Variants in IGF2BP3 observed in about 807,000 individuals in gnomAD.
The protein encoded by IGF2BP3 is insulin-like growth factor 2 mRNA-binding protein 3.
IGF2BP3 carries 9 observed loss-of-function variants against 73.8 expected under a neutral mutation model. That is an observed-to-expected ratio of 0.12 (90% confidence interval 0.07 to 0.21). The LOEUF (loss-of-function observed/expected upper bound fraction) is 0.21. IGF2BP3 is among the 10% of genes least tolerant of loss of function. The pLI is 1.00. For missense variants in IGF2BP3, 542 were observed against 714.0 expected, an observed-to-expected ratio of 0.76 and a Z score of 2.75; for synonymous variants, 258 against 256.7, an observed-to-expected ratio of 1.01 and a Z score of -0.05.
At chr7:23,388,396 A>G (rs1786156862) in intron 3 of IGF2BP3, among the ~76,000 whole-genome samples, 2 of 152,224 alleles carry the variant, frequency 1.3e-5, no homozygotes, top group Admixed American at 6.5e-5. Flanking sequence ...ACAGATGAAC[A>G]GGAGGAAAAA....
chr7:23,351,137 T>C (rs1481249779), intron 6 of IGF2BP3, among the ~76,000 whole-genome samples, 168 bp downstream of exon 6: 1 of 152,182 alleles, frequency 6.6e-6, no homozygotes, highest in African/African-American at 2.4e-5. Flanking sequence ...TCCAGATTTA[T>C]ATGAAATGAA....
chr7:23,351,238 G>A (rs530096352), intron 6 of IGF2BP3, 67 bp downstream of exon 6: 122 of 1,567,588 alleles, frequency 7.8e-5, no homozygotes, highest in African/African-American at 9.4e-5. Flanking sequence ...GTACCAGAAC[G>A]ACACACTGTT....
intron 3 of IGF2BP3, among the ~76,000 whole-genome samples, chr7:23,392,698 C>T (rs527897105): frequency 2.0e-5 from 3 of 152,188 alleles, no homozygotes; most frequent in South Asian, 4.1e-4. Context: ...TGCATGATCA[C>T]GGCTCACTGC....
At chr7:23,401,690 A>G (rs1212635316) in intron 3 of IGF2BP3, among the ~76,000 whole-genome samples, 4 of 152,004 alleles carry the variant, frequency 2.6e-5, no homozygotes, top group Non-Finnish European at 4.4e-5. Flanking sequence ...GCTTGAACCC[A>G]GGAGGTAAAG....
chr7:23,387,791 T>A (rs940069885), intron 3 of IGF2BP3, among the ~76,000 whole-genome samples: 1 of 152,098 alleles, frequency 6.6e-6, no homozygotes, highest in African/African-American at 2.4e-5. Flanking sequence ...CACACACACA[T>A]ACTCACACAA....
intron 2 of IGF2BP3, among the ~76,000 whole-genome samples, chr7:23,437,098 G>A (rs561325230): frequency 1.1e-3 from 168 of 152,100 alleles, no homozygotes; most frequent in African/African-American, 4.0e-3. Flanking sequence ...CAGCCTGGGC[G>A]ATAGAGTCAG....
At chr7:23,465,840 ATCAG>A (rs1788554564) in intron 2 of IGF2BP3, among the ~76,000 whole-genome samples, 1 of 152,046 alleles carries the variant, frequency 6.6e-6, no homozygotes, top group Admixed American at 6.6e-5. Flanking sequence ...AGCAACCCCC[ATCAG>A]TCAGTACAAC....
chr7:23,445,637 T>C (rs910091164), intron 2 of IGF2BP3, among the ~76,000 whole-genome samples: 1 of 152,182 alleles, frequency 6.6e-6, no homozygotes, highest in Non-Finnish European at 1.5e-5. Flanking sequence ...ATAGGAACAC[T>C]GAAGAAGCGT....
intron 3 of IGF2BP3, among the ~76,000 whole-genome samples, chr7:23,417,126 C>A (rs1225954870): frequency 6.6e-6 from 1 of 152,152 alleles, no homozygotes; most frequent in Non-Finnish European, 1.5e-5. Flanking sequence ...AGTGTTCCCT[C>A]AAGCCTTTAA....
At chr7:23,315,886 TTTAAG>T (rs1047914229) in intron 12 of IGF2BP3, among the ~76,000 whole-genome samples, 7 of 152,210 alleles carry the variant, frequency 4.6e-5, no homozygotes, top group African/African-American at 1.7e-4. Context: ...AAGTGTTACA[TTTAAG>T]TTAACTATAA....
intron 10 of IGF2BP3, among the ~76,000 whole-genome samples, chr7:23,326,769 G>A (rs1335168140): frequency 2.1e-5 from 3 of 142,416 alleles, no homozygotes; most frequent in African/African-American, 7.9e-5. Flanking sequence ...CCTTTGTAGG[G>A]ACATGGATGA....
chr7:23,321,265 G>A (rs183606614), intron 10 of IGF2BP3, among the ~76,000 whole-genome samples: 101 of 146,120 alleles, frequency 6.9e-4, no homozygotes, highest in East Asian at 1.9e-3. Flanking sequence ...CTCGGGAAGC[G>A]CAAGGGGTCA....
rs201478146 is a variant in IGF2BP3 at position 23,405,736 on chromosome 7, C to T, written c.285+13040G>A. Among the ~76,000 whole-genome samples, 13 of 152,294 alleles carry T rather than the reference C, an allele frequency of 8.5e-5. No homozygotes were observed. In the East Asian group the frequency reaches 1.9e-3, roughly 23 times the overall value. On this transcript the variant is annotated intron_variant, in intron 3 of 14. Transcript: ENST00000258729. ...CTGATGATCTGAGGTAGAACAGTTT[C>T]TATCCCGAAACCACTCCCCTTCCCC...
At chr7:23,392,621 A>C (rs1268143262) in intron 3 of IGF2BP3, among the ~76,000 whole-genome samples, 1 of 151,884 alleles carries the variant, frequency 6.6e-6, no homozygotes, top group Non-Finnish European at 1.5e-5. Context: ...AGTGAACACA[A>C]ACACTTTTTT....
rs1357520331 is a variant in IGF2BP3, at chr7:23,470,413, G to A, written c.-303C>T. The A allele has an allele frequency of 3.1e-5, 6 of 195,766 alleles. No homozygotes were observed. Among genetic ancestry groups the A allele is most frequent in the Non-Finnish European group, 6.2e-5 (6 of 97,132 alleles). The allele number at this position is 195,766 out of a possible 1,614,324, so 12.1% of individuals were successfully genotyped here. On this transcript the variant is annotated 5_prime_UTR_variant, in exon 1 of 15. Transcript: ENST00000258729. ...GGATTAGCAAGAGAAAGGAGGAGGA[G>A]GAGGGGAAAAAACTACTTTTTGTCT...
rs1784963913 is a variant in IGF2BP3, at chr7:23,351,605, C to T, written c.402-19G>A. On this transcript the variant is annotated intron_variant, in intron 5 of 14. Coordinates refer to ENST00000258729, the MANE Select transcript of IGF2BP3 (RefSeq NM_006547.3). ...TAGTGCTCTGAAAGTTGAAAAGGGGCAGGGGTGGGAAAAGGAATCAGGCTA... is the reference window on the plus strand; with the variant it reads ...TAGTGCTCTGAAAGTTGAAAAGGGGTAGGGGTGGGAAAAGGAATCAGGCTA... 2 of 1,612,926 alleles carry T rather than the reference C, an allele frequency of 1.2e-6. No individual in the cohort carries two copies. Among genetic ancestry groups the T allele is most frequent in the Admixed American group, 1.7e-5 (1 of 59,870 alleles).
intron 10 of IGF2BP3, among the ~76,000 whole-genome samples, chr7:23,320,947 C>CAAAAAAAAAA (rs70966008): frequency 2.1e-5 from 2 of 96,468 alleles, no homozygotes; most frequent in African/African-American, 5.0e-5. Flanking sequence ...AACTCTGTCT[C>CAAAAAAAAAA]AAAAAAAAAA....
At chr7:23,422,432 G>A (rs544096411) in intron 2 of IGF2BP3, among the ~76,000 whole-genome samples, 3 of 152,110 alleles carry the variant, frequency 2.0e-5, no homozygotes, top group African/African-American at 4.8e-5. Context: ...GCACACGCCC[G>A]TAGTCCTAGA....
intron 3 of IGF2BP3, among the ~76,000 whole-genome samples, chr7:23,370,537 T>C (rs1019457136): frequency 6.6e-6 from 1 of 152,308 alleles, no homozygotes; most frequent in Non-Finnish European, 1.5e-5. Flanking sequence ...CACTATCCCA[T>C]AAACCTCATA....
Sources: gnomAD v4.1 joint callset for allele counts (sites outside exome capture counted in the v4.1 genomes callset) on GRCh38, gnomAD v4.1.1 for gene constraint, MANE v1.5 for transcripts, NCBI Gene and HGNC (gene_info 2026-07-23, HGNC 2026-07-21) for gene names.